DGKB: variants seen among roughly 807,000 people sequenced by gnomAD.
The protein encoded by DGKB is 90 kDa diacylglycerol kinase.
A neutral mutation model predicts 114.3 loss-of-function variants in DGKB; 67 were observed. The ratio of observed to expected loss-of-function variants is 0.59; its 90% confidence interval spans 0.48 to 0.72. The LOEUF (loss-of-function observed/expected upper bound fraction) is 0.72, where lower values mean the gene tolerates loss of function less well. Ranked by LOEUF, DGKB falls within the 30% of genes least tolerant of loss-of-function variation. The pLI is 0.00. For missense variants in DGKB, 907 were observed against 975.2 expected, an observed-to-expected ratio of 0.93 and a Z score of 0.93; for synonymous variants, 398 against 323.1, an observed-to-expected ratio of 1.23 and a Z score of -2.49.
At chr7:14,633,832 G>C (rs1383538260) in intron 13 of DGKB, among the ~76,000 whole-genome samples, 2 of 151,602 alleles carry the variant, frequency 1.3e-5, no homozygotes, top group African/African-American at 2.4e-5. Flanking sequence ...CAGATAATTA[G>C]TTTAAAAGAT....
At chr7:14,259,401 CTCTCTCTATA>C (rs1449864341) in intron 23 of DGKB, among the ~76,000 whole-genome samples, 40 of 102,756 alleles carry the variant, frequency 3.9e-4, no homozygotes, top group East Asian at 4.4e-4. Flanking sequence ...CTCTCTCTCT[CTCTCTCTATA>C]TATATATATA....
chr7:14,849,532 T>A (rs1480334383), intron 1 of DGKB, among the ~76,000 whole-genome samples: 2 of 152,118 alleles, frequency 1.3e-5, no homozygotes, highest in Non-Finnish European at 2.9e-5. Context: ...AGATCTTGGA[T>A]TTCCCAGCCT....
At chr7:14,591,576 A>G (rs748337118) in intron 17 of DGKB, among the ~76,000 whole-genome samples, 8 of 152,068 alleles carry the variant, frequency 5.3e-5, no homozygotes, top group Non-Finnish European at 8.8e-5. Context: ...AATCACCACT[A>G]TAACATTCCA....
At chr7:14,230,204 T>C (rs772334713) in intron 23 of DGKB, among the ~76,000 whole-genome samples, 1 of 152,060 alleles carries the variant, frequency 6.6e-6, no homozygotes, top group Non-Finnish European at 1.5e-5. Context: ...CTGAAGTACT[T>C]TGTCTTCATT....
intron 21 of DGKB, among the ~76,000 whole-genome samples, chr7:14,411,278 T>C (rs1247462612): frequency 6.6e-6 from 1 of 152,182 alleles, no homozygotes; most frequent in African/African-American, 2.4e-5. Context: ...ATGTATTAAG[T>C]GCACTGTTTA....
chr7:14,389,940 A>T (rs1008547114), intron 21 of DGKB, among the ~76,000 whole-genome samples: 3 of 152,166 alleles, frequency 2.0e-5, no homozygotes, highest in Non-Finnish European at 4.4e-5. Flanking sequence ...TGTTAAAGTT[A>T]AAGGGTGAGG....
At chr7:14,345,988 T>A (rs1239384843) in intron 21 of DGKB, among the ~76,000 whole-genome samples, 1 of 151,304 alleles carries the variant, frequency 6.6e-6, no homozygotes, top group African/African-American at 2.4e-5. Flanking sequence ...TTTTATATTA[T>A]CTAGTATTGG....
chr7:14,199,239 A>G (rs143905797), intron 23 of DGKB, among the ~76,000 whole-genome samples: 24 of 152,170 alleles, frequency 1.6e-4, no homozygotes, highest in African/African-American at 5.8e-4. Flanking sequence ...AATAGCTTGA[A>G]AAATATTGGA....
intron 23 of DGKB, among the ~76,000 whole-genome samples, chr7:14,239,312 T>C (rs1793298195): frequency 6.6e-6 from 1 of 151,586 alleles, no homozygotes; most frequent in African/African-American, 2.4e-5. Flanking sequence ...TTTTTTTAAA[T>C]GTTAAAATGT....
intron 25 of DGKB, among the ~76,000 whole-genome samples, chr7:14,172,126 C>A (rs913907678): frequency 5.3e-5 from 8 of 152,068 alleles, no homozygotes; most frequent in Admixed American, 2.0e-4. Context: ...GTTGTGTTAC[C>A]AAACTAAAGA....
In DGKB at chr7:14,863,767, G is replaced by A. The variant is rs1017698304; in HGVS notation, c.-187-22317C>T. ...TTTTCATGTTTTTTGTGGTAAGAAT[G>A]ATTCTGGGGCAGTATATGTTAAATT... On this transcript the variant is annotated intron_variant, in intron 1 of 25. Transcript: ENST00000402815. 2.6e-5 allele frequency among the ~76,000 whole-genome samples: 4 copies of A among 152,036 alleles called. No homozygotes were observed. The East Asian group carries it at 7.7e-4, about 29-fold the overall frequency.
At chr7:14,959,548 T>C (rs934862587) in intron 1 of DGKB, among the ~76,000 whole-genome samples, 1 of 152,054 alleles carries the variant, frequency 6.6e-6, no homozygotes, top group African/African-American at 2.4e-5. Flanking sequence ...AACTCATTTG[T>C]AGCCTAGTAA....
At chr7:14,823,464 G>C (rs192133204) in intron 2 of DGKB, among the ~76,000 whole-genome samples, 2 of 152,138 alleles carry the variant, frequency 1.3e-5, no homozygotes, top group Admixed American at 6.6e-5. Context: ...CTAAGACATA[G>C]AGAATTTCAG....
chr7:14,834,532 GCT>G (rs142125920), intron 2 of DGKB, among the ~76,000 whole-genome samples: 6 of 150,680 alleles, frequency 4.0e-5, no homozygotes, highest in African/African-American at 1.5e-4. Flanking sequence ...AGTCACGAGT[GCT>G]CTCTCTCTCT....
At chr7:14,403,389 CA>C (rs2128730060) in intron 21 of DGKB, among the ~76,000 whole-genome samples, 1 of 152,000 alleles carries the variant, frequency 6.6e-6, no homozygotes, top group Admixed American at 6.6e-5. Flanking sequence ...TTGGCTTTGG[CA>C]CAGTATGCTT....
chr7:14,546,791 C>G (rs887501351), intron 20 of DGKB, among the ~76,000 whole-genome samples: 2 of 152,130 alleles, frequency 1.3e-5, no homozygotes, highest in Admixed American at 1.3e-4. Context: ...GTTTCTAAAT[C>G]CAGCCTGATG....
At chr7:14,559,856 C>CTTTT (rs1309311464) in intron 20 of DGKB, among the ~76,000 whole-genome samples, 1 of 151,930 alleles carries the variant, frequency 6.6e-6, no homozygotes, top group East Asian at 1.9e-4. Context: ...CAAATTATTT[C>CTTTT]TTTTTTCTTT....
chr7:14,291,956 A>G (rs1801838557), intron 23 of DGKB, among the ~76,000 whole-genome samples: 1 of 152,190 alleles, frequency 6.6e-6, no homozygotes, highest in South Asian at 2.1e-4. Flanking sequence ...GGAAGCTGTT[A>G]GTAGCTTCTA....
chr7:14,770,240 G>A (rs1024716055), intron 2 of DGKB, among the ~76,000 whole-genome samples: 9 of 152,050 alleles, frequency 5.9e-5, no homozygotes, highest in East Asian at 3.9e-4. Context: ...GGCAAGGAGC[G>A]CCTTCAGACT....
Sources: gnomAD v4.1 joint callset for allele counts (sites outside exome capture counted in the v4.1 genomes callset) on GRCh38, gnomAD v4.1.1 for gene constraint, MANE v1.5 for transcripts, NCBI Gene and HGNC (gene_info 2026-07-23, HGNC 2026-07-21) for gene names.